NPAS2: variants seen among roughly 807,000 people sequenced by gnomAD.
The protein encoded by NPAS2 is neuronal PAS domain protein 2.
In NPAS2, 23 loss-of-function variants were observed where a neutral mutation model predicts 107.5. The observed-to-expected ratio is 0.21, with a 90% CI of 0.15 to 0.30. The LOEUF is 0.30. Among genes scored for constraint, NPAS2 ranks in the 10% least tolerant of loss-of-function variants. NPAS2 has a pLI of 1.00. For synonymous variants in NPAS2, 403 were observed against 417.5 expected (o/e 0.97, Z 0.42); for missense variants, 756 against 1,043.3 (o/e 0.72, Z 3.79).
chr2:100,870,572 T>C (rs1157407382), intron 1 of NPAS2, among the ~76,000 whole-genome samples: 1 of 152,070 alleles, frequency 6.6e-6, no homozygotes, highest in African/African-American at 2.4e-5. Flanking sequence ...ATTTTTGTGT[T>C]TTTGTAGAGA....
rs565876712 is a variant in NPAS2 at position 100,931,634 on chromosome 2, C to A, written c.182-1276C>A. Among the ~76,000 whole-genome samples the A allele has an allele frequency of 7.9e-5, 12 of 151,986 alleles. No individual in the cohort carries two copies. The South Asian group carries it at 2.3e-3, about 29-fold the overall frequency. On this transcript the variant is annotated intron_variant, in intron 3 of 20. Transcript: ENST00000335681. ...CCTGAGGAGCTGGGACTACAGGAGCCCACCACCACTCCCGGCTAATATTTT... is the reference window on the plus strand; with the variant it reads ...CCTGAGGAGCTGGGACTACAGGAGCACACCACCACTCCCGGCTAATATTTT...
At chr2:100,832,840 G>T (rs3860455) in intron 1 of NPAS2, among the ~76,000 whole-genome samples, 44,799 of 152,150 alleles carry the variant, frequency 0.29, 9,700 homozygotes, top group African/African-American at 0.61. Flanking sequence ...AAAGTGGTCA[G>T]CTATCTAACC....
In NPAS2 at chr2:100,968,441, G is replaced by A. The variant is rs771808940; in HGVS notation, c.1055+13G>A. Reference sequence around the variant, plus strand: ...ACTCGGTGGTCAGGTACCGCGCACGGGCAGGGGTGCGGCTGCGTCCTTGTC... The same window carrying A: ...ACTCGGTGGTCAGGTACCGCGCACGAGCAGGGGTGCGGCTGCGTCCTTGTC... On this transcript the variant is annotated intron_variant, in intron 11 of 20. Transcript: ENST00000335681. The surrounding 1 kb of genome is among the most constrained non-coding windows in gnomAD (Gnocchi z 5.3). The A allele has an allele frequency of 4.3e-6, 7 of 1,611,636 alleles. No individual in the cohort carries two copies. The African/African-American group carries it at 8.0e-5, about 18-fold the overall frequency.
At chr2:100,823,960 C>T (rs763669614) in intron 1 of NPAS2, among the ~76,000 whole-genome samples, 31 of 152,126 alleles carry the variant, frequency 2.0e-4, no homozygotes, top group Admixed American at 3.9e-4. Context: ...CCTGGGGTAG[C>T]CTCCCAGCTC....
intron 1 of NPAS2, among the ~76,000 whole-genome samples, chr2:100,877,063 G>A (rs916231416): frequency 6.6e-6 from 1 of 152,226 alleles, no homozygotes; most frequent in Non-Finnish European, 1.5e-5. Context: ...CATGGATCAA[G>A]TTCCTCCTGA....
intron 1 of NPAS2, among the ~76,000 whole-genome samples, chr2:100,882,605 T>G (rs1027366901): frequency 5.9e-5 from 9 of 151,514 alleles, no homozygotes; most frequent in Admixed American, 3.3e-4. Flanking sequence ...AGAGCGAGAC[T>G]CCGTCTCAAA....
chr2:100,847,569 A>T (rs1464973474), intron 1 of NPAS2, among the ~76,000 whole-genome samples: 1 of 152,072 alleles, frequency 6.6e-6, no homozygotes, highest in Non-Finnish European at 1.5e-5. Flanking sequence ...ACGGGGTTTC[A>T]CCATGTTAGC....
intron 1 of NPAS2, among the ~76,000 whole-genome samples, chr2:100,830,372 C>A (rs901783120): frequency 6.6e-6 from 1 of 151,964 alleles, no homozygotes; most frequent in Non-Finnish European, 1.5e-5. Flanking sequence ...GTGCACAATG[C>A]GCAGGTTAGT....
At chr2:100,972,556 G>A (rs1472806622) in intron 12 of NPAS2, 3 of 152,316 alleles carry the variant, frequency 2.0e-5, no homozygotes, top group Non-Finnish European at 4.4e-5. Flanking sequence ...CACCTTTCAA[G>A]ATCAGAGAGC....
rs1405711615 is a variant in NPAS2, at chr2:100,820,344, G to A, written c.-93G>A. 6.8e-6 allele frequency: 1 copy of A among 146,472 alleles called. No individual in the cohort carries two copies. The highest frequency in any genetic ancestry group is 1.5e-5 in the Non-Finnish European group (1 of 66,134). The allele number at this position is 146,472 out of a possible 1,614,324, so 9.1% of individuals were successfully genotyped here. ...CCCGCTCGCCGCCTCGTCTCCCAGC[G>A]GCGGCGGGAGGCGCGTCTCCCCGGC... On this transcript the variant is annotated 5_prime_UTR_variant, in exon 1 of 21. Coordinates refer to ENST00000335681, the MANE Select transcript of NPAS2 (RefSeq NM_002518.4). This position sits in a 1 kb window ranked among gnomAD's most constrained non-coding sequence, Gnocchi z 5.6.
chr2:100,973,178 CAAA>C (rs1218358583), intron 12 of NPAS2, among the ~76,000 whole-genome samples: 1 of 125,600 alleles, frequency 8.0e-6, no homozygotes. Flanking sequence ...GACTCCGTCT[CAAA>C]AAAAAAAAAA....
intron 5 of NPAS2, among the ~76,000 whole-genome samples, chr2:100,939,286 G>T (rs951981992): frequency 6.6e-6 from 1 of 152,228 alleles, no homozygotes; most frequent in East Asian, 1.9e-4. Context: ...TGCCTTCCCA[G>T]TAGGCCCTAA....
intron 1 of NPAS2, among the ~76,000 whole-genome samples, chr2:100,841,438 C>T (rs1677392278): frequency 1.3e-5 from 2 of 152,180 alleles, no homozygotes; most frequent in Admixed American, 1.3e-4. Flanking sequence ...GAAACTCCGT[C>T]TCAAAAGAAA....
chr2:100,941,399 C>T (rs1674568126), intron 5 of NPAS2, among the ~76,000 whole-genome samples: 2 of 151,982 alleles, frequency 1.3e-5, no homozygotes, highest in Admixed American at 6.6e-5. Flanking sequence ...CCCGTCTCTA[C>T]AAAAAATCCA....
chr2:100,870,142 G>A lies in NPAS2; in HGVS notation c.-22-34591G>A, dbSNP rs537266692. Among the ~76,000 whole-genome samples, 383 of 152,020 alleles carry A rather than the reference G, an allele frequency of 2.5e-3. 3 individuals are homozygous for A. Among genetic ancestry groups the A allele is most frequent in the African/African-American group, 8.8e-3 (364 of 41,478 alleles). ...TCTCAATCTCCTGACCTGGTGATCC[G>A]CCCGCCTTGGCCTCCCAAAGTGCTG... On this transcript the variant is annotated intron_variant, in intron 1 of 20. Coordinates refer to ENST00000335681, the MANE Select transcript of NPAS2 (RefSeq NM_002518.4).
At chr2:100,904,661 AG>A in intron 1 of NPAS2, 71 bp from the exon 2 acceptor site, 1 of 1,150,616 alleles carries the variant, frequency 8.7e-7, no homozygotes, top group South Asian at 1.5e-5. Context: ...ACAACCTGAA[AG>A]ACTTTTAAGA....
chr2:100,876,973 A>G (rs775936165), intron 1 of NPAS2, among the ~76,000 whole-genome samples: 7 of 152,110 alleles, frequency 4.6e-5, no homozygotes, highest in Admixed American at 6.6e-5. Flanking sequence ...TGGTAGAAGA[A>G]CCAAAGAGGT....
intron 7 of NPAS2, among the ~76,000 whole-genome samples, chr2:100,955,919 T>G (rs112646197): frequency 0.012 from 1,821 of 151,862 alleles, 31 homozygotes; most frequent in East Asian, 0.051. Flanking sequence ...TTGTTTGTTT[T>G]TTTGAGACAG....
At chr2:100,875,461 TACACACACACACACACACACACACAC>T (rs56331462) in intron 1 of NPAS2, among the ~76,000 whole-genome samples, 2 of 143,566 alleles carry the variant, frequency 1.4e-5, no homozygotes, top group Non-Finnish European at 3.0e-5. Context: ...ATTAAAAGCT[TACACACACACACACACACACACACAC>T]ACACACACAC....
Sources: gnomAD v4.1 joint callset for allele counts (sites outside exome capture counted in the v4.1 genomes callset) on GRCh38, gnomAD v4.1.1 for gene constraint, Gnocchi (gnomAD v3.1) non-coding constraint, MANE v1.5 for transcripts, NCBI Gene and HGNC (gene_info 2026-07-23, HGNC 2026-07-21) for gene names.